GALNT13: variants seen among roughly 807,000 people sequenced by gnomAD.
The protein encoded by GALNT13 is UDP-GalNAc:polypeptide N-acetylgalactosaminyltransferase 13.
In GALNT13, 28 loss-of-function variants were observed where a neutral mutation model predicts 64.2. The observed-to-expected ratio is 0.44, with a 90% CI of 0.32 to 0.60. The LOEUF is 0.60. Ranked by LOEUF, GALNT13 falls within the 20% of genes least tolerant of loss-of-function variation. GALNT13 has a pLI of 0.05. For missense variants in GALNT13, 577 were observed against 669.8 expected (o/e 0.86, Z 1.53); for synonymous variants, 214 against 224.6 (o/e 0.95, Z 0.42).
intron 1 of GALNT13, among the ~76,000 whole-genome samples, chr2:153,896,158 T>A (rs1296899370): frequency 6.7e-6 from 1 of 150,030 alleles, no homozygotes; most frequent in African/African-American, 2.4e-5. Flanking sequence ...GAAAAACCAC[T>A]TATATTGCTA....
At chr2:154,078,011 C>CGT (rs1701079196) in intron 3 of GALNT13, among the ~76,000 whole-genome samples, 1 of 151,236 alleles carries the variant, frequency 6.6e-6, no homozygotes, top group South Asian at 2.1e-4. Context: ...AGTTGTAAAC[C>CGT]GTGTTGTAGA....
chr2:154,342,825 CGTGT>C (rs59607214), intron 9 of GALNT13, among the ~76,000 whole-genome samples: 60 of 146,762 alleles, frequency 4.1e-4, no homozygotes, highest in East Asian at 3.2e-3. Flanking sequence ...TAAGAGTGTG[CGTGT>C]GTGTGTGTGT....
the GALNT13 span, among the ~76,000 whole-genome samples, chr2:153,299,138 A>AT: frequency 6.6e-6 from 1 of 152,290 alleles, no homozygotes; most frequent in Non-Finnish European, 1.5e-5. Context: ...ATGTGACAGA[A>AT]TTTTTTCCTT....
intron 9 of GALNT13, among the ~76,000 whole-genome samples, chr2:154,382,407 A>C (rs985408056): frequency 1.3e-5 from 2 of 152,060 alleles, no homozygotes; most frequent in African/African-American, 4.8e-5. Context: ...TTCTCATACC[A>C]AGCAGTGTTA....
At chr2:153,522,193 G>A in the GALNT13 span, among the ~76,000 whole-genome samples, 10,450 of 151,952 alleles carry the variant, frequency 0.069, 1,190 homozygotes, top group African/African-American at 0.24. Context: ...AATTAGTCAG[G>A]TGTGGTGGCA....
chr2:153,737,060 T>C, the GALNT13 span, among the ~76,000 whole-genome samples: 1 of 152,318 alleles, frequency 6.6e-6, no homozygotes, highest in Non-Finnish European at 1.5e-5. Context: ...GGCACACATA[T>C]CCACTTCATC....
At chr2:153,842,764 A>G in the GALNT13 span, among the ~76,000 whole-genome samples, 1 of 151,940 alleles carries the variant, frequency 6.6e-6, no homozygotes, top group Non-Finnish European at 1.5e-5. Flanking sequence ...ACACACCTAC[A>G]CTGGACCAAC....
At chr2:153,815,545 T>C in the GALNT13 span, among the ~76,000 whole-genome samples, 2 of 152,364 alleles carry the variant, frequency 1.3e-5, no homozygotes, top group East Asian at 3.9e-4. Context: ...ATTCCTTCAG[T>C]ATCCTTACTC....
the GALNT13 span, among the ~76,000 whole-genome samples, chr2:153,738,450 C>T: frequency 1.3e-5 from 2 of 151,840 alleles, no homozygotes; most frequent in African/African-American, 2.4e-5. Flanking sequence ...GAAATGTTGC[C>T]TCCCTTACGA....
the GALNT13 span, among the ~76,000 whole-genome samples, chr2:153,688,991 G>GGTT: frequency 7.7e-6 from 1 of 130,156 alleles, no homozygotes; most frequent in South Asian, 2.7e-4. Context: ...TAGAGGTAGG[G>GGTT]GTGTGTGTGT....
At chr2:153,643,874 G>C in the GALNT13 span, among the ~76,000 whole-genome samples, 2 of 151,908 alleles carry the variant, frequency 1.3e-5, no homozygotes, top group Non-Finnish European at 2.9e-5. Context: ...ATAAAAAAGA[G>C]TCCTTCACTA....
At chr2:153,272,082 G>A in the GALNT13 span, among the ~76,000 whole-genome samples, 3 of 151,884 alleles carry the variant, frequency 2.0e-5, no homozygotes, top group Admixed American at 6.6e-5. Flanking sequence ...AATTGAAACC[G>A]GACCCCTTTT....
At chr2:153,838,580 T>C in the GALNT13 span, among the ~76,000 whole-genome samples, 3 of 152,072 alleles carry the variant, frequency 2.0e-5, no homozygotes, top group South Asian at 6.2e-4. Flanking sequence ...TATGAGTTTT[T>C]ATTTTCCTTT....
At chr2:153,436,920 G>A in the GALNT13 span, among the ~76,000 whole-genome samples, 1 of 151,830 alleles carries the variant, frequency 6.6e-6, no homozygotes, top group Non-Finnish European at 1.5e-5. Flanking sequence ...GTGATGTTAG[G>A]GTGTCAATTT....
chr2:154,374,560 T>C (rs1233568469), intron 9 of GALNT13, among the ~76,000 whole-genome samples: 23 of 152,202 alleles, frequency 1.5e-4, no homozygotes, highest in Admixed American at 1.5e-3. Flanking sequence ...TATCTAATTA[T>C]GATGCAATTC....
At chr2:154,291,640 C>G (rs115568829) in intron 8 of GALNT13, among the ~76,000 whole-genome samples, 10 of 152,300 alleles carry the variant, frequency 6.6e-5, no homozygotes, top group African/African-American at 2.4e-4. Context: ...GGCCGGCCCA[C>G]GGGTGCTGCG....
At chr2:153,441,933 C>T in the GALNT13 span, among the ~76,000 whole-genome samples, 2 of 152,208 alleles carry the variant, frequency 1.3e-5, no homozygotes, top group Admixed American at 6.5e-5. Context: ...TTTGAATACC[C>T]TTTATTTCTT....
At chr2:154,227,246 C>A (rs1559036387) in intron 4 of GALNT13, among the ~76,000 whole-genome samples, 1 of 152,012 alleles carries the variant, frequency 6.6e-6, no homozygotes, top group Admixed American at 6.6e-5. Flanking sequence ...AAAAGGGTGA[C>A]TTTTTCTGGA....
chr2:153,943,545 A>G (rs1008032261), intron 2 of GALNT13, among the ~76,000 whole-genome samples: 2 of 151,034 alleles, frequency 1.3e-5, no homozygotes, highest in African/African-American at 4.9e-5. Context: ...CCCAGACTGG[A>G]GTGCAATTGT....
Sources: gnomAD v4.1 joint callset for allele counts (sites outside exome capture counted in the v4.1 genomes callset) on GRCh38, gnomAD v4.1.1 for gene constraint, MANE v1.5 for transcripts, NCBI Gene and HGNC (gene_info 2026-07-23, HGNC 2026-07-21) for gene names.